FER1L6: variants seen among roughly 807,000 people sequenced by gnomAD.
The protein encoded by FER1L6 is fer-1-like protein 6.
FER1L6 carries 177 observed loss-of-function variants against 219.2 expected under a neutral mutation model. The ratio of observed to expected loss-of-function variants is 0.81; its 90% confidence interval spans 0.71 to 0.91. The LOEUF is 0.91. Ranked by LOEUF, FER1L6 falls within the 40% of genes least tolerant of loss-of-function variation. FER1L6 has a pLI of 0.00. For synonymous variants in FER1L6, 768 were observed against 824.3 expected (o/e 0.93, Z 1.17); for missense variants, 2,153 against 2,259.9 (o/e 0.95, Z 0.96).
chr8:123,925,326 G>A (rs7464664), intron 1 of FER1L6, among the ~76,000 whole-genome samples: 59,378 of 152,028 alleles, frequency 0.39, 12,222 homozygotes, highest in South Asian at 0.51. Flanking sequence ...ATGGTTTGCT[G>A]AATTATCCAC....
At chr8:124,049,856 C>A in intron 22 of FER1L6, 100 bp downstream of exon 22, 2 of 1,202,526 alleles carry the variant, frequency 1.7e-6, no homozygotes, top group Non-Finnish European at 1.2e-6. Flanking sequence ...CCTGATCCCT[C>A]GCTGCAATCC....
chr8:124,002,987 A>G (rs1339346676), intron 12 of FER1L6, among the ~76,000 whole-genome samples, 180 bp from the exon 13 acceptor site: 1 of 152,104 alleles, frequency 6.6e-6, no homozygotes, highest in Non-Finnish European at 1.5e-5. Flanking sequence ...AATAAGATGG[A>G]TAGAGATGAT....
At chr8:124,104,529 T>TTCA (rs1425740416) in intron 39 of FER1L6, among the ~76,000 whole-genome samples, 1 of 152,122 alleles carries the variant, frequency 6.6e-6, no homozygotes, top group Non-Finnish European at 1.5e-5. Context: ...AGAGAAGATA[T>TTCA]CTATTCCAAG....
At chr8:123,915,124 T>C (rs1259764035) in intron 1 of FER1L6, among the ~76,000 whole-genome samples, 1 of 152,062 alleles carries the variant, frequency 6.6e-6, no homozygotes, top group East Asian at 1.9e-4. Flanking sequence ...AAGCTTGTGG[T>C]TTCTTTTCTT....
At chr8:123,910,467 C>A (rs1388374805) in intron 1 of FER1L6, among the ~76,000 whole-genome samples, 1 of 152,208 alleles carries the variant, frequency 6.6e-6, no homozygotes, top group South Asian at 2.1e-4. Flanking sequence ...AACCATCTTT[C>A]AGTCCCATCC....
At chr8:124,096,651 G>A (rs929101194) in intron 35 of FER1L6, among the ~76,000 whole-genome samples, 1 of 152,172 alleles carries the variant, frequency 6.6e-6, no homozygotes. Context: ...GCCACTGTTA[G>A]CCACAGAACT....
chr8:124,022,916 TTTA>T (rs977087445), intron 17 of FER1L6, among the ~76,000 whole-genome samples: 1 of 27,536 alleles, frequency 3.6e-5, no homozygotes, highest in African/African-American at 2.0e-4. Context: ...ACTTTATTTA[TTTA>T]TTTTTTTTTT....
chr8:124,013,341 G>A, intron 14 of FER1L6, 90 bp from the exon 15 acceptor site: 1 of 671,058 alleles, frequency 1.5e-6, no homozygotes, highest in South Asian at 3.4e-5. Context: ...AAAAAAAATA[G>A]CTGTTATTTC....
At chr8:123,854,263 C>G (rs1816587429) in intron 1 of FER1L6, among the ~76,000 whole-genome samples, 2 of 152,088 alleles carry the variant, frequency 1.3e-5, no homozygotes, top group South Asian at 4.1e-4. Flanking sequence ...AAAAATATTA[C>G]CTGCATTTTA....
At chr8:124,030,781 A>G (rs1204460796) in intron 18 of FER1L6, among the ~76,000 whole-genome samples, 2 of 152,048 alleles carry the variant, frequency 1.3e-5, no homozygotes, top group Non-Finnish European at 2.9e-5. Flanking sequence ...AACCTCTACC[A>G]CATAAACAAA....
At chr8:123,890,625 A>ATTTTTTTTTTTTTTTTTTTTTT (rs59914385) in intron 1 of FER1L6, among the ~76,000 whole-genome samples, 3 of 91,432 alleles carry the variant, frequency 3.3e-5, no homozygotes, top group African/African-American at 4.2e-5. Flanking sequence ...TAAAAATTTG[A>ATTTTTTTTTTTTTTTTTTTTTT]TTTTTTTTTT....
At chr8:124,062,056 G>A (rs558008658) in intron 25 of FER1L6, 24 bp downstream of exon 25, 8 of 1,612,764 alleles carry the variant, frequency 5.0e-6, no homozygotes, top group Non-Finnish European at 6.8e-6. Context: ...CTTAGATTTT[G>A]TAGCTGTAAC....
rs1267137611 is a variant in FER1L6 at position 123,970,044 on chromosome 8, T to C, written c.394T>C (p.Phe132Leu). Reference sequence around the variant, plus strand: ...ACTTTTTGTTTTGCAGTACTTTGTCTTCGACTTCATTGGGCCCCAAGTGCA... The same window carrying C: ...ACTTTTTGTTTTGCAGTACTTTGTCCTCGACTTCATTGGGCCCCAAGTGCA... ...NSPFYNEYFV[F>L]DFIGPQVHLF... The change falls in exon 6 of 41, where the codon TTC becomes CTC. Residue 132 changes from phenylalanine to leucine, a missense_variant. By Grantham distance (22) the Phe-to-Leu change is conservative. Transcript: ENST00000522917. The C allele has an allele frequency of 1.2e-6, 2 of 1,614,078 alleles. No homozygotes were observed. Among genetic ancestry groups the C allele is most frequent in the Non-Finnish European group, 1.7e-6 (2 of 1,179,920 alleles).
At chr8:123,904,684 G>T (rs1812920534) in intron 1 of FER1L6, among the ~76,000 whole-genome samples, 1 of 152,134 alleles carries the variant, frequency 6.6e-6, no homozygotes, top group Non-Finnish European at 1.5e-5. Context: ...GACTTGAAGG[G>T]GTGTCTTCCA....
At chr8:124,097,389 G>T in intron 36 of FER1L6, 30 bp downstream of exon 36, 1 of 1,452,362 alleles carries the variant, frequency 6.9e-7, no homozygotes, top group South Asian at 1.2e-5. Flanking sequence ...AGCTTCAGGG[G>T]AAGAGACCAG....
chr8:123,892,962 G>A (rs1812675687), intron 1 of FER1L6, among the ~76,000 whole-genome samples: 1 of 152,144 alleles, frequency 6.6e-6, no homozygotes, highest in African/African-American at 2.4e-5. Context: ...TTATATAGAT[G>A]TGGTAATATG....
At chr8:123,859,285 G>C (rs1419216492) in intron 1 of FER1L6, among the ~76,000 whole-genome samples, 3 of 152,204 alleles carry the variant, frequency 2.0e-5, no homozygotes, top group South Asian at 4.1e-4. Context: ...ACAGGCATGA[G>C]CCACCATGCC....
chr8:123,935,798 A>G (rs1162598060), intron 1 of FER1L6, among the ~76,000 whole-genome samples: 1 of 152,034 alleles, frequency 6.6e-6, no homozygotes, highest in Non-Finnish European at 1.5e-5. Context: ...GATGAGAGCA[A>G]TAGACCAACT....
chr8:124,057,768 CTCT>C (rs1820371257), intron 22 of FER1L6, among the ~76,000 whole-genome samples: 1 of 152,170 alleles, frequency 6.6e-6, no homozygotes, highest in Non-Finnish European at 1.5e-5. Flanking sequence ...TTTCTCCTGC[CTCT>C]TTTTTAAAAC....
Sources: allele counts gnomAD v4.1 joint callset (sites outside exome capture counted in the v4.1 genomes callset), GRCh38; gene constraint gnomAD v4.1.1; transcripts MANE v1.5; gene names NCBI Gene and HGNC (gene_info 2026-07-23, HGNC 2026-07-21).